The following EEF1A1 variants were observed in gnomAD, a reference collection of about 807,000 sequenced individuals.
EEF1A1 encodes eukaryotic translation elongation factor 1 alpha 1.
A neutral mutation model predicts 38.5 loss-of-function variants in EEF1A1; 1 was observed. That is an observed-to-expected ratio of 0.03 (90% CI 0.01 to 0.12). The LOEUF (loss-of-function observed/expected upper bound fraction) is 0.12. Among genes scored for constraint, EEF1A1 ranks in the 10% least tolerant of loss-of-function variants. The probability of loss-of-function intolerance (pLI) is 1.00; values close to 1 mark genes in which losing one functional copy is unlikely to be tolerated. For missense variants in EEF1A1, 184 were observed against 588.3 expected (o/e 0.31, Z 7.11); for synonymous variants, 229 against 203.7 (o/e 1.12, Z -1.06).
intron 1 of EEF1A1, 148 bp from the exon 2 acceptor site, chr6:73,520,204 C>T (rs1048312318): frequency 5.8e-6 from 4 of 691,842 alleles, no homozygotes; most frequent in Non-Finnish European, 9.3e-6. Context: ...TGTGGGGAAA[C>T]TCCATCGCAT....
chr6:73,520,968 C>A, intron 1 of EEF1A1, 32 bp downstream of exon 1: 1 of 153,206 alleles, frequency 6.5e-6, no homozygotes, highest in African/African-American at 2.4e-5. Context: ...CGTAAAGAGG[C>A]CAGGCCCGCG....
At chr6:73,520,193 G>T in intron 1 of EEF1A1, 137 bp from the exon 2 acceptor site, 2 of 760,738 alleles carry the variant, frequency 2.6e-6, no homozygotes, top group Non-Finnish European at 4.1e-6. Context: ...CACCCACTCA[G>T]TGTGGGGAAA....
At position 73,518,783 on chromosome 6, in the gene EEF1A1, A is replaced by C. The variant is rs765660917; in HGVS notation, c.687T>G (p.Leu229=). The C allele has an allele frequency of 7.4e-6, 12 of 1,614,068 alleles. No individual in the cohort carries two copies. The highest frequency in any genetic ancestry group is 1.0e-5 in the Non-Finnish European group (12 of 1,180,042). The change falls in exon 5 of 8, where the codon CTT becomes CTG. Residue 229 remains leucine, a synonymous_variant. Coordinates refer to ENST00000309268, the MANE Select transcript of EEF1A1 (RefSeq NM_001402.6). ...GTGGTAGGATGCAGTCCAGAGCCTC[A>C]AGCAGCGTGGTTCCACTGGCATTGC... ...KDGNASGTTL[L]EALDCILPPT... is the part of the protein sequence containing the mutation.
chr6:73,519,300 T>TG lies in EEF1A1; in HGVS notation c.324+36dup, dbSNP rs745442779. ...AAACCAGTGTACAAAGCAAGCCTTT[T>TG]GGGATAAAGAAACCTAGAATTATTA... On this transcript the variant is annotated intron_variant, in intron 3 of 7. Transcript: ENST00000309268. 4 of 1,606,612 alleles carry TG rather than the reference T, an allele frequency of 2.5e-6. No homozygotes were observed. The East Asian group carries it at 8.9e-5, about 36-fold the overall frequency.
At position 73,518,998 on chromosome 6, in the gene EEF1A1, G is replaced by A. The variant is rs567492289; in HGVS notation, c.555C>T (p.Pro185=). The A allele has an allele frequency of 3.3e-5, 52 of 1,597,422 alleles. No individual in the cohort carries two copies. The highest frequency in any genetic ancestry group is 8.5e-5 in the Admixed American group (5 of 58,520). ...AAATTGGCACAAATGCTACTGTGTC[G>A]GGGTTGTAGCCAATTTTCTTAATGT... ...STYIKKIGYN[P]DTVAFVPISG... The change falls in exon 4 of 8, where the codon CCC becomes CCT. Residue 185 remains proline (P), a synonymous_variant. Coordinates refer to ENST00000309268, the MANE Select transcript of EEF1A1 (RefSeq NM_001402.6).
At position 73,517,879 on chromosome 6, in the gene EEF1A1, T is replaced by C. The variant is rs1765559845; in HGVS notation, c.1320A>G (p.Ala440=). The change falls in exon 8 of 8, where the codon GCA becomes GCG. Residue 440 remains alanine (A), a synonymous_variant. Transcript: ENST00000309268. ...RQTVAVGVIK[A]VDKKAAGAGK... is the part of the protein sequence containing the mutation. ...CAGCTCCAGCAGCCTTCTTGTCCACTGCTTTGATGACACCCACCGCAACTG... is the reference window on the plus strand; with the variant it reads ...CAGCTCCAGCAGCCTTCTTGTCCACCGCTTTGATGACACCCACCGCAACTG... 2 of 1,611,558 alleles carry C rather than the reference T, an allele frequency of 1.2e-6. No individual in the cohort carries two copies. The highest frequency in any genetic ancestry group is 4.5e-5 in the East Asian group (2 of 44,868).
chr6:73,519,653 A>G, intron 2 of EEF1A1, 137 bp from the exon 3 acceptor site: 1 of 1,189,688 alleles, frequency 8.4e-7, no homozygotes, highest in Non-Finnish European at 1.2e-6. Flanking sequence ...TGGGTTACAG[A>G]AGCAACCAAA....
chr6:73,515,777 T>C lies in EEF1A1; in HGVS notation c.*2033A>G, dbSNP rs1765500559. On this transcript the variant is annotated 3_prime_UTR_variant, in exon 8 of 8. Transcript: ENST00000309268. ...AAAGCTTAAAATTCATTTATTGTAG[T>C]GAGCAAGTTTGTAATGAATACCAGC... is the stretch of plus-strand genomic sequence containing the variant. 1 of 152,226 alleles carries C rather than the reference T, an allele frequency of 6.6e-6. No homozygotes were observed. The highest frequency in any genetic ancestry group is 1.5e-5 in the Non-Finnish European group (1 of 68,036). 9.4% of individuals were successfully genotyped at this position (152,226 alleles called of 1,614,324 possible). A position where few individuals can be genotyped will look rare whatever the true frequency, so the allele number is the denominator to read the frequency against.
At position 73,519,179 on chromosome 6, in the gene EEF1A1, G is replaced by A. The variant is rs199585879; in HGVS notation, c.374C>T (p.Ala125Val). ...GGTCTGCCCATTCTTGGAGATACCA[G>A]CTTCAAATTCACCAACACCAGCAGC... The part of the protein sequence containing the change: ...IVAAGVGEFE[A>V]GISKNGQTRE... The change falls in exon 4 of 8, where the codon GCT (alanine) becomes GTT (valine). Residue 125 changes from alanine to valine, a missense_variant. Ala to Val is a moderately conservative substitution (Grantham distance 64). Transcript: ENST00000309268. 1.3e-6 allele frequency: 2 copies of A among 1,596,818 alleles called. No homozygotes were observed. The highest frequency in any genetic ancestry group is 1.3e-5 in the African/African-American group (1 of 74,822).
intron 1 of EEF1A1, chr6:73,520,650 T>C (rs922132877): frequency 5.9e-5 from 9 of 152,322 alleles, no homozygotes; most frequent in African/African-American, 1.9e-4. Flanking sequence ...GAAATACCAG[T>C]GTGCAGATCT....
rs771624013 is a variant in EEF1A1 at position 73,518,762 on chromosome 6, T to C, written c.708A>G (p.Leu236=). Residue 236 remains leucine (L), a synonymous_variant, in exon 5 of 8, where the codon CTA becomes CTG. Transcript: ENST00000309268. ...TTLLEALDCI[L]PPTRPTDKPL... ...GCTTGTCAGTTGGACGAGTTGGTGG[T>C]AGGATGCAGTCCAGAGCCTCAAGCA... 32 of 1,614,102 alleles carry C rather than the reference T, an allele frequency of 2.0e-5. No individual in the cohort carries two copies. The highest frequency in any genetic ancestry group is 1.8e-4 in the South Asian group (16 of 91,092).
intron 1 of EEF1A1, chr6:73,520,261 G>T: frequency 2.1e-6 from 1 of 486,492 alleles, no homozygotes; most frequent in Non-Finnish European, 3.6e-6. Context: ...AAAAGCTCGA[G>T]AACTAATCGA....
chr6:73,519,837 T>A (rs753401371), intron 2 of EEF1A1, 46 bp downstream of exon 2: 1 of 1,609,638 alleles, frequency 6.2e-7, no homozygotes, highest in East Asian at 2.2e-5. Flanking sequence ...ATTCTGCTGG[T>A]AAAACTCATT....
In EEF1A1 at chr6:73,518,565, T is replaced by C. The variant is rs1359020474; in HGVS notation, c.818A>G (p.Lys273Arg). The C allele has an allele frequency of 1.2e-6, 2 of 1,613,822 alleles. No individual in the cohort carries two copies. The highest frequency in any genetic ancestry group is 2.2e-5 in the South Asian group (2 of 91,084). ...PVGRVETGVL[K>R]PGMVVTFAPV... ...AGCAAAGGTGACCACCATACCGGGT[T>C]TGAGAACACCAGTCTCCACTCGGCC... The change falls in exon 6 of 8, where the codon AAA (lysine) becomes AGA (arginine). Residue 273 changes from lysine to arginine, a missense_variant. Around this residue, in one of 3 missense-constraint regions of EEF1A1, gnomAD observed 81 missense variants for 286.3 expected, o/e 0.28. Transcript: ENST00000309268.
In EEF1A1 at chr6:73,518,510, A is replaced by C; in HGVS notation, c.873T>G (p.Ser291=). ...TCAAAGCTTCATGGTGCATTTCGAC[A>C]GATTTTACTTCCGTTGTAACGTTGA... ...APVNVTTEVK[S]VEMHHEALSE... The change falls in exon 6 of 8, where the codon TCT becomes TCG. Residue 291 remains serine, a synonymous_variant. Transcript: ENST00000309268. 6.2e-7 allele frequency: 1 copy of C among 1,613,986 alleles called. No individual in the cohort carries two copies.
chr6:73,520,235 A>G (rs1021176361), intron 1 of EEF1A1, 179 bp from the exon 2 acceptor site: 12 of 553,506 alleles, frequency 2.2e-5, no homozygotes, highest in Non-Finnish European at 3.7e-5. Context: ...CCCCCAACCT[A>G]AAGACGACGT....
rs138320387 is a variant in EEF1A1 at position 73,519,919 on chromosome 6, T to C, written c.108A>G (p.Lys36=). ...CCTTCTCAAATTTTTCAATGGTTCT[T>C]TTGTCGATGCCACCGCATTTATAGA... is the stretch of plus-strand genomic sequence containing the variant. The part of the protein sequence containing the change: ...HLIYKCGGID[K]RTIEKFEKEA... The change falls in exon 2 of 8, where the codon AAA becomes AAG. Residue 36 remains lysine (K), a synonymous_variant. Transcript: ENST00000309268. 90 of 1,612,044 alleles carry C rather than the reference T, an allele frequency of 5.6e-5. No individual in the cohort carries two copies. The African/African-American group carries it at 7.5e-4, about 13-fold the overall frequency.
rs184611265 is a variant in EEF1A1, at chr6:73,517,131, T to C, written c.*679A>G. The C allele has an allele frequency of 6.6e-6, 1 of 152,412 alleles. No individual in the cohort carries two copies. Among genetic ancestry groups the C allele is most frequent in the East Asian group, 1.9e-4 (1 of 5,190 alleles). 9.4% of individuals were successfully genotyped at this position (152,412 alleles called of 1,614,324 possible). On this transcript the variant is annotated 3_prime_UTR_variant, in exon 8 of 8. Transcript: ENST00000309268. ...TCTTATGTCATGGCAAATAGTCAAC[T>C]TTCACTGCCCAGTCATTTTAACCCA...
In EEF1A1 at chr6:73,517,949, GTTAA is replaced by G. The variant is rs756651282; in HGVS notation, c.1265-19_1265-16del. On this transcript the variant is annotated splice_polypyrimidine_tract_variant and intron_variant, in intron 7 of 7. Transcript: ENST00000309268. ...AGCAAAGCGACCTATTAAAAAAAAAGTTAATTATTACCCAAAGTACTGTTCAGTT... is the reference window on the plus strand; with the variant it reads ...AGCAAAGCGACCTATTAAAAAAAAAGTTATTACCCAAAGTACTGTTCAGTT... The G allele has an allele frequency of 6.2e-6, 10 of 1,613,556 alleles. No homozygotes were observed. Among genetic ancestry groups the G allele is most frequent in the East Asian group, 2.2e-5 (1 of 44,894 alleles).
Sources: allele counts gnomAD v4.1 joint callset, GRCh38; gene constraint gnomAD v4.1.1; regional missense constraint gnomAD v4.1.1; transcripts MANE v1.5; gene names NCBI Gene and HGNC (gene_info 2026-07-23, HGNC 2026-07-21).